The following RBBP4 variants were observed in gnomAD, a reference collection of about 807,000 sequenced individuals.
RBBP4 encodes the protein histone-binding protein RBBP4.
RBBP4 carries 3 observed loss-of-function variants against 57.2 expected under a neutral mutation model. The ratio of observed to expected loss-of-function variants is 0.05; its 90% CI spans 0.02 to 0.14. The LOEUF is 0.14. Ranked by LOEUF, RBBP4 falls within the 10% of genes least tolerant of loss-of-function variation. The pLI is 1.00. For missense variants in RBBP4, 107 were observed against 520.6 expected (o/e 0.21, Z 7.73); for synonymous variants, 151 against 171.5 (o/e 0.88, Z 0.93).
intron 3 of RBBP4, among the ~76,000 whole-genome samples, chr1:32,658,477 GT>G (rs975447337): frequency 3.3e-4 from 50 of 151,490 alleles, no homozygotes; most frequent in Admixed American, 1.8e-3. Context: ...GTTCCAATGA[GT>G]TGTTTAATTA....
intron 3 of RBBP4, 173 bp downstream of exon 3, chr1:32,657,745 T>G (rs557994761): frequency 2.9e-6 from 2 of 683,020 alleles, no homozygotes; most frequent in South Asian, 5.5e-5. Flanking sequence ...GAAGAAATAC[T>G]TAACACATCC....
intron 4 of RBBP4, 120 bp from the exon 5 acceptor site, chr1:32,668,619 G>A (rs1425646515): frequency 2.7e-5 from 23 of 865,180 alleles, no homozygotes; most frequent in Non-Finnish European, 3.8e-5. Flanking sequence ...TGATCATAAC[G>A]GTTCCTATAT....
At chr1:32,666,058 A>G (rs1381440014) in intron 3 of RBBP4, among the ~76,000 whole-genome samples, 2 of 152,212 alleles carry the variant, frequency 1.3e-5, no homozygotes, top group Non-Finnish European at 2.9e-5. Context: ...GTTTTCATCT[A>G]GTTGTTGCCT....
In RBBP4 at chr1:32,672,632, T is replaced by C. The variant is rs774098819; in HGVS notation, c.1044-10T>C. The C allele has an allele frequency of 1.9e-5, 30 of 1,613,480 alleles. No individual in the cohort carries two copies. The highest frequency in any genetic ancestry group is 2.4e-5 in the Non-Finnish European group (28 of 1,179,510). On this transcript the variant is annotated splice_polypyrimidine_tract_variant and intron_variant, in intron 9 of 11. Transcript: ENST00000373493. ...CTGTTTTAACTTTTAAAATTATGCT[T>C]TTGTACTAGTAAAATTGGAGAGGAA... is the stretch of plus-strand genomic sequence containing the variant.
At chr1:32,675,693 C>T (rs868104336) in intron 11 of RBBP4, among the ~76,000 whole-genome samples, 3 of 151,926 alleles carry the variant, frequency 2.0e-5, no homozygotes, top group East Asian at 1.9e-4. Flanking sequence ...GGCGTGAACC[C>T]GGGAGGCAGG....
chr1:32,675,375 T>G (rs1049023288), intron 11 of RBBP4, among the ~76,000 whole-genome samples: 3 of 152,118 alleles, frequency 2.0e-5, no homozygotes, highest in African/African-American at 7.2e-5. Flanking sequence ...AAAATAAGTT[T>G]GTGACCTGCC....
intron 11 of RBBP4, 39 bp from the exon 12 acceptor site, chr1:32,679,601 A>C (rs375841646): frequency 2.7e-5 from 42 of 1,527,990 alleles, no homozygotes; most frequent in Non-Finnish European, 3.5e-5. Context: ...TTTTAGAAGA[A>C]GTCTTCATGT....
intron 11 of RBBP4, among the ~76,000 whole-genome samples, chr1:32,676,527 T>G (rs1464318036): frequency 6.6e-6 from 1 of 151,686 alleles, no homozygotes; most frequent in East Asian, 1.9e-4. Context: ...GGAGACTTGT[T>G]TGAACCCAGG....
chr1:32,654,727 C>A (rs886227838), intron 2 of RBBP4, among the ~76,000 whole-genome samples: 4 of 152,124 alleles, frequency 2.6e-5, no homozygotes, highest in African/African-American at 9.7e-5. Flanking sequence ...GAGTTTCACT[C>A]TTGTTACTCA....
Position 32,680,319 on chromosome 1 carries a change from T to C in RBBP4, c.*614T>C. 2.2e-6 allele frequency: 3 copies of C among 1,333,726 alleles called. No homozygotes were observed. The highest frequency in any genetic ancestry group is 1.9e-6 in the Non-Finnish European group (2 of 1,043,894). The allele number at this position is 1,333,726 out of a possible 1,614,324, so 82.6% of individuals were successfully genotyped here. A position where few individuals can be genotyped will look rare whatever the true frequency, so the allele number is the denominator to read the frequency against. ...CTTGAGCTGTTTTCATGTTGTTTAT[T>C]TCCTGTCTGTGAAATGGTGTTTTTT... On this transcript the variant is annotated 3_prime_UTR_variant, in exon 12 of 12. Coordinates refer to ENST00000373493, the MANE Select transcript of RBBP4 (RefSeq NM_005610.3).
At chr1:32,663,651 A>C (rs1165804556) in intron 3 of RBBP4, among the ~76,000 whole-genome samples, 3 of 151,432 alleles carry the variant, frequency 2.0e-5, no homozygotes, top group Non-Finnish European at 2.9e-5. Context: ...ATCTCCGCTT[A>C]CTGCAAGCTC....
intron 3 of RBBP4, chr1:32,662,460 T>TC (rs566393296): frequency 9.0e-4 from 141 of 156,340 alleles, no homozygotes; most frequent in African/African-American, 3.2e-3. Context: ...CACTGCAACC[T>TC]CCACCTCCCA....
chr1:32,673,316 A>G (rs1648952345), intron 11 of RBBP4: 1 of 314,680 alleles, frequency 3.2e-6, no homozygotes, highest in Non-Finnish European at 6.2e-6. Flanking sequence ...ACAAATTTAC[A>G]TACCCAAAGG....
chr1:32,680,009 GT>G lies in RBBP4; in HGVS notation c.*309del. The G allele has an allele frequency of 2.6e-6, 3 of 1,139,756 alleles. No individual in the cohort carries two copies. Among genetic ancestry groups the G allele is most frequent in the Non-Finnish European group, 3.2e-6 (3 of 929,134 alleles). 70.6% of individuals were successfully genotyped at this position (1,139,756 alleles called of 1,614,324 possible). On this transcript the variant is annotated 3_prime_UTR_variant, in exon 12 of 12. Coordinates refer to ENST00000373493, the MANE Select transcript of RBBP4 (RefSeq NM_005610.3). ...TTTTCTTCTTATGCTATATCCCCAAGTTTTTCAGACTCATTTAAGTAAAGGC... is the reference window on the plus strand; with the variant it reads ...TTTTCTTCTTATGCTATATCCCCAAGTTTTCAGACTCATTTAAGTAAAGGC...
intron 3 of RBBP4, among the ~76,000 whole-genome samples, chr1:32,658,100 A>G (rs1007371125): frequency 2.0e-5 from 3 of 151,974 alleles, no homozygotes; most frequent in Non-Finnish European, 4.4e-5. Context: ...TGATCCACCC[A>G]CCTCAGCCTC....
At position 32,684,871 on chromosome 1, in the gene RBBP4, A is replaced by C. The variant is rs916393626; in HGVS notation, c.*5166A>C. 2.0e-5 allele frequency: 3 copies of C among 153,576 alleles called. No individual in the cohort carries two copies. Among genetic ancestry groups the C allele is most frequent in the African/African-American group, 7.2e-5 (3 of 41,466 alleles). The allele number at this position is 153,576 out of a possible 1,614,324, so 9.5% of individuals were successfully genotyped here. On this transcript the variant is annotated 3_prime_UTR_variant, in exon 12 of 12. Coordinates refer to ENST00000373493, the MANE Select transcript of RBBP4 (RefSeq NM_005610.3). ...AACTAGTGGAAGTCCATGTTTAGAAAATAAATGGCTTGTTTAAGGAAAAGT... is the reference window on the plus strand; with the variant it reads ...AACTAGTGGAAGTCCATGTTTAGAACATAAATGGCTTGTTTAAGGAAAAGT...
rs1221271476 is a variant in RBBP4 at position 32,681,797 on chromosome 1, C to A, written c.*2092C>A. On this transcript the variant is annotated 3_prime_UTR_variant, in exon 12 of 12. Transcript: ENST00000373493. ...TACATCCAAAGGGTACTTAGTGATC[C>A]TTTGCTAAGAAGTTTTTTGCTGTTT... 6.2e-7 allele frequency: 1 copy of A among 1,613,948 alleles called. No individual in the cohort carries two copies. Among genetic ancestry groups the A allele is most frequent in the Non-Finnish European group, 8.5e-7 (1 of 1,180,010 alleles).
intron 11 of RBBP4, among the ~76,000 whole-genome samples, chr1:32,676,859 C>T (rs957352222): frequency 6.6e-6 from 1 of 151,770 alleles, no homozygotes; most frequent in African/African-American, 2.4e-5. Context: ...GGGAGGCTAG[C>T]GTGATCCCAG....
chr1:32,663,476 G>T (rs1648509447), intron 3 of RBBP4, among the ~76,000 whole-genome samples: 2 of 151,942 alleles, frequency 1.3e-5, no homozygotes, highest in Admixed American at 6.6e-5. Flanking sequence ...GTCTTACTCT[G>T]TTGCCCAGGC....
Sources: gnomAD v4.1 joint callset for allele counts (sites outside exome capture counted in the v4.1 genomes callset) on GRCh38, gnomAD v4.1.1 for gene constraint, MANE v1.5 for transcripts, NCBI Gene and HGNC (gene_info 2026-07-23, HGNC 2026-07-21) for gene names.